The following KCNT2 variants were observed in gnomAD, a reference collection of about 807,000 sequenced individuals.
KCNT2 encodes the protein potassium channel subfamily T member 2.
In KCNT2, 67 loss-of-function variants were observed where a neutral mutation model predicts 153.8. The observed-to-expected ratio is 0.44, with a 90% CI of 0.36 to 0.53. The LOEUF is 0.53. Among genes scored for constraint, KCNT2 ranks in the 20% least tolerant of loss-of-function variants. The pLI, the probability that KCNT2 is intolerant of heterozygous loss-of-function variation, is 0.00. For synonymous variants in KCNT2, 500 were observed against 458.8 expected (o/e 1.09, Z -1.15); for missense variants, 975 against 1,354.8 (o/e 0.72, Z 4.40).
chr1:196,256,517 T>C (rs2147773004), intron 26 of KCNT2, among the ~76,000 whole-genome samples: 1 of 152,074 alleles, frequency 6.6e-6, no homozygotes, highest in East Asian at 1.9e-4. Context: ...GTTTGCTAAC[T>C]CTTTGAAAAA....
At chr1:196,394,862 C>A (rs1670789772) in intron 13 of KCNT2, among the ~76,000 whole-genome samples, 1 of 151,372 alleles carries the variant, frequency 6.6e-6, no homozygotes, top group Non-Finnish European at 1.5e-5. Context: ...ATTTAGTAGA[C>A]ACCTATGTTT....
At chr1:196,407,079 G>C (rs12409651) in intron 12 of KCNT2, among the ~76,000 whole-genome samples, 2 of 151,224 alleles carry the variant, frequency 1.3e-5, no homozygotes, top group African/African-American at 4.8e-5. Flanking sequence ...CATCCAGAAC[G>C]GTACACTCCA....
intron 12 of KCNT2, among the ~76,000 whole-genome samples, chr1:196,419,819 G>A (rs1673055039): frequency 3.3e-5 from 5 of 151,692 alleles, no homozygotes; most frequent in South Asian, 2.1e-4. Context: ...TTCCTCATAT[G>A]CCTTTTCCTT....
intron 18 of KCNT2, among the ~76,000 whole-genome samples, chr1:196,330,417 T>C (rs1378688054): frequency 6.6e-6 from 1 of 151,860 alleles, no homozygotes; most frequent in Non-Finnish European, 1.5e-5. Flanking sequence ...ACATGACTTG[T>C]AAGTGGAGAG....
At position 196,428,108 on chromosome 1, in the gene KCNT2, G is replaced by A. The variant is rs756536646; in HGVS notation, c.981C>T (p.Leu327=). ...FLNEFYAHPR[L]QDYYVVILCP... ...ACATAATATAAGCCAAATGTACCTG[G>A]AGCCTAGGATGAGCATAGAATTCAT... Residue 327 remains leucine, a synonymous_variant, in exon 10 of 28, where the codon CTC becomes CTT. Coordinates refer to ENST00000294725, the MANE Select transcript of KCNT2 (RefSeq NM_198503.5). 1.2e-6 allele frequency: 2 copies of A among 1,611,242 alleles called. No individual in the cohort carries two copies. The highest frequency in any genetic ancestry group is 1.1e-5 in the South Asian group (1 of 91,000).
chr1:196,246,465 C>T lies in KCNT2; in HGVS notation c.3212-10395G>A, dbSNP rs908590154. On this transcript the variant is annotated intron_variant, in intron 26 of 27. Coordinates refer to ENST00000294725, the MANE Select transcript of KCNT2 (RefSeq NM_198503.5). ...TCATTGGTAATAGTAAATACACACA[C>T]AAAAATATACTATTGTAATAGTGGT... Among the ~76,000 whole-genome samples the T allele has an allele frequency of 4.6e-5, 7 of 151,894 alleles. No homozygotes were observed. The East Asian group carries it at 1.4e-3, about 29-fold the overall frequency.
intron 26 of KCNT2, among the ~76,000 whole-genome samples, chr1:196,254,831 C>A (rs1226419037): frequency 6.6e-6 from 1 of 151,506 alleles, no homozygotes; most frequent in African/African-American, 2.4e-5. Flanking sequence ...TTATTTTAGG[C>A]AAATTATAAT....
chr1:196,415,666 C>T (rs1040987263), intron 12 of KCNT2, among the ~76,000 whole-genome samples: 1 of 151,894 alleles, frequency 6.6e-6, no homozygotes, highest in Non-Finnish European at 1.5e-5. Flanking sequence ...TAGACACTTC[C>T]ATGAGTCCCT....
At chr1:196,301,034 G>T (rs1661138843) in intron 22 of KCNT2, among the ~76,000 whole-genome samples, 1 of 152,122 alleles carries the variant, frequency 6.6e-6, no homozygotes, top group African/African-American at 2.4e-5. Context: ...TGCCAAAGAA[G>T]AAAACAATTA....
At chr1:196,429,810 T>G in intron 8 of KCNT2, 53 bp from the exon 9 acceptor site, 2 of 1,260,400 alleles carry the variant, frequency 1.6e-6, no homozygotes, top group South Asian at 3.0e-5. Context: ...GACACATAAT[T>G]TCTCATCATT....
At chr1:196,419,714 A>G (rs967492493) in intron 12 of KCNT2, among the ~76,000 whole-genome samples, 3 of 152,012 alleles carry the variant, frequency 2.0e-5, no homozygotes, top group Non-Finnish European at 2.9e-5. Context: ...GCATTGTCCC[A>G]CTGTCTTCTG....
chr1:196,507,169 G>A (rs1296054187), intron 1 of KCNT2, among the ~76,000 whole-genome samples: 1 of 151,950 alleles, frequency 6.6e-6, no homozygotes, highest in Non-Finnish European at 1.5e-5. Flanking sequence ...TTTTAAATAA[G>A]CCTCTTTGAT....
intron 12 of KCNT2, among the ~76,000 whole-genome samples, chr1:196,404,800 C>T (rs1671696477): frequency 6.6e-6 from 1 of 151,626 alleles, no homozygotes; most frequent in Non-Finnish European, 1.5e-5. Context: ...AGCTTATCCC[C>T]AGAACCTAGC....
intron 25 of KCNT2, among the ~76,000 whole-genome samples, chr1:196,279,971 C>A (rs964383415): frequency 3.3e-5 from 5 of 151,936 alleles, no homozygotes; most frequent in African/African-American, 1.2e-4. Context: ...TGTGTCTGAT[C>A]TGAGCCTCAA....
At chr1:196,420,077 T>C (rs1231682989) in intron 12 of KCNT2, among the ~76,000 whole-genome samples, 1 of 152,034 alleles carries the variant, frequency 6.6e-6, no homozygotes, top group Non-Finnish European at 1.5e-5. Flanking sequence ...TTTTACACTA[T>C]TTGGTTTTAT....
chr1:196,513,264 T>C (rs1407078073), intron 1 of KCNT2, among the ~76,000 whole-genome samples: 2 of 152,212 alleles, frequency 1.3e-5, no homozygotes, highest in Admixed American at 6.5e-5. Context: ...CACTAATATA[T>C]ACTGAATTAA....
chr1:196,373,166 T>A lies in KCNT2; in HGVS notation c.1377A>T (p.Thr459=). The change falls in exon 14 of 28, where the codon ACA becomes ACT. Residue 459 remains threonine (T), a synonymous_variant. Transcript: ENST00000294725. The part of the protein sequence containing the change: ...CICPATSTLI[T]LLVHTSRGQE... The stretch of plus-strand genomic sequence containing the variant: ...GCCCTCTAGAGGTATGAACCAGTAG[T>A]GTAATAAGTGTAGATGTTGCTGGGC... 6.4e-7 allele frequency: 1 copy of A among 1,560,952 alleles called. No homozygotes were observed. The highest frequency in any genetic ancestry group is 8.8e-7 in the Non-Finnish European group (1 of 1,133,030).
chr1:196,501,280 C>G (rs1680675568), intron 1 of KCNT2, among the ~76,000 whole-genome samples: 1 of 151,976 alleles, frequency 6.6e-6, no homozygotes, highest in African/African-American at 2.4e-5. Flanking sequence ...GCACTACTAC[C>G]AATAGCAAAG....
At chr1:196,467,111 C>A (rs1677688577) in intron 7 of KCNT2, among the ~76,000 whole-genome samples, 1 of 152,000 alleles carries the variant, frequency 6.6e-6, no homozygotes, top group Non-Finnish European at 1.5e-5. Flanking sequence ...CAATTAAGAG[C>A]AGTTTGACTA....
Sources: allele counts gnomAD v4.1 joint callset (sites outside exome capture counted in the v4.1 genomes callset), GRCh38; gene constraint gnomAD v4.1.1; transcripts MANE v1.5; gene names NCBI Gene and HGNC (gene_info 2026-07-23, HGNC 2026-07-21).